Variants in TSBP1 observed in about 807,000 individuals in gnomAD.
TSBP1 encodes the protein testis expressed basic protein 1.
Under a neutral mutation model 68.8 loss-of-function variants are expected in TSBP1, and 56 were observed. That is an observed-to-expected ratio of 0.81 (90% CI 0.66 to 1.02). The LOEUF is 1.02. Ranked by LOEUF, TSBP1 falls within the 50% of genes least tolerant of loss-of-function variation. The probability of loss-of-function intolerance (pLI) is 0.00; values close to 1 mark genes in which losing one functional copy is unlikely to be tolerated. For missense variants in TSBP1, 502 were observed against 641.2 expected (o/e 0.78, Z 2.34); for synonymous variants, 171 against 208.7 (o/e 0.82, Z 1.56).
intron 21 of TSBP1, 89 bp downstream of exon 24, chr6:32,300,591 G>T: frequency 9.1e-7 from 1 of 1,096,790 alleles, no homozygotes; most frequent in Non-Finnish European, 1.4e-6. Flanking sequence ...GTAAGGTAGA[G>T]GAACTCGTAA....
intron 6 of TSBP1, among the ~76,000 whole-genome samples, chr6:32,359,109 C>T (rs1772695458): frequency 6.9e-6 from 1 of 144,864 alleles, no homozygotes; most frequent in Non-Finnish European, 1.5e-5. Context: ...TGATGTTCCC[C>T]TTCCTGTGTC....
chr6:32,322,870 A>ATC (rs893930555), intron 18 of TSBP1, among the ~76,000 whole-genome samples: 3 of 151,706 alleles, frequency 2.0e-5, no homozygotes, highest in Non-Finnish European at 4.4e-5. Context: ...TTTGGATTTC[A>ATC]TCTCTCTCTC....
In TSBP1 at chr6:32,335,291, G is replaced by A. The variant is rs10807100; in HGVS notation, c.472+146C>T. On this transcript the variant is annotated intron_variant, in intron 14 of 22. Coordinates refer to ENST00000612031, the Ensembl canonical transcript of TSBP1. The surrounding 1 kb of genome is among the most constrained non-coding windows in gnomAD (Gnocchi z 5.5). Reference sequence around the variant, plus strand: ...TATTTTTATTGCAGAACCTGGATGAGTCCAATCTGGAGTACTGGGTGAGAT... The same window carrying A: ...TATTTTTATTGCAGAACCTGGATGAATCCAATCTGGAGTACTGGGTGAGAT... 223,819 of 589,346 alleles carry A rather than the reference G, an allele frequency of 0.38. 45,459 individuals are homozygous for A. The highest frequency in any genetic ancestry group is 0.57 in the Middle Eastern group (1,744 of 3,082). 36.5% of individuals were successfully genotyped at this position (589,346 alleles called of 1,614,324 possible).
rs1251447360 is a variant in TSBP1 at position 32,321,882 on chromosome 6, A to G, written c.559+1235T>C. 6.6e-6 allele frequency among the ~76,000 whole-genome samples: 1 copy of G among 152,136 alleles called. No homozygotes were observed. The highest frequency in any genetic ancestry group is 1.5e-5 in the Non-Finnish European group (1 of 68,018). ...TTACCTACTATCTGGATTAAGTGAG[A>G]TGCTTTGGCAACTCTGAATCTGAAT... is the stretch of plus-strand genomic sequence containing the variant. On this transcript the variant is annotated intron_variant, in intron 18 of 22. Transcript: ENST00000612031. The surrounding 1 kb of genome is among the most constrained non-coding windows in gnomAD (Gnocchi z 4.3).
At chr6:32,293,914 T>A (rs768775788) in exon 23 of TSBP1, 5 of 1,612,768 alleles carry the variant, frequency 3.1e-6, no homozygotes, top group Non-Finnish European at 4.2e-6. Context: ...TGTCATTCTT[T>A]AGTGCTTCCT....
rs1768093346 is a variant in TSBP1 at position 32,325,246 on chromosome 6, C to T, written c.515-1632G>A. 120 of 1,051,068 alleles carry T rather than the reference C, an allele frequency of 1.1e-4. No homozygotes were observed. The South Asian group carries it at 1.8e-3, about 16-fold the overall frequency. The allele number at this position is 1,051,068 out of a possible 1,614,324, so 65.1% of individuals were successfully genotyped here. ...ATCTAAGTCAGAGTCTCCTAAAGAG[C>T]CAGAACAACTGAGGAAGCTCTTCAT... On this transcript the variant is annotated intron_variant, in intron 16 of 22. Transcript: ENST00000612031. The surrounding 1 kb of genome is among the most constrained non-coding windows in gnomAD (Gnocchi z 4.4).
Position 32,365,708 on chromosome 6 carries a change from C to A in TSBP1, c.217+459G>T. The stretch of plus-strand genomic sequence containing the variant: ...GGGTCTGTCTCAGCATTGAGTTGTG[C>A]CACCTTGGGGGAGGAGTGATGTGGG... On this transcript the variant is annotated intron_variant, in intron 6 of 22. Coordinates refer to ENST00000612031, the Ensembl canonical transcript of TSBP1. The surrounding 1 kb of genome is among the most constrained non-coding windows in gnomAD (Gnocchi z 4.3). 1 of 434,730 alleles carries A rather than the reference C, an allele frequency of 2.3e-6. No individual in the cohort carries two copies. Among genetic ancestry groups the A allele is most frequent in the South Asian group, 1.7e-5 (1 of 60,570 alleles). 26.9% of individuals were successfully genotyped at this position (434,730 alleles called of 1,614,324 possible).
chr6:32,309,595 ATTT>A (rs1177851228), intron 19 of TSBP1, among the ~76,000 whole-genome samples: 2 of 151,898 alleles, frequency 1.3e-5, no homozygotes, highest in Non-Finnish European at 2.9e-5. Flanking sequence ...TCTTTTTAAA[ATTT>A]TTTTATTTTT....
At chr6:32,339,046 G>C in intron 10 of TSBP1, 47 bp from the exon 12 acceptor site, 1 of 1,536,206 alleles carries the variant, frequency 6.5e-7, no homozygotes, top group East Asian at 2.2e-5. Flanking sequence ...CATGACTCAA[G>C]GGTGTTTATC....
Position 32,337,293 on chromosome 6 carries a change from G to A in TSBP1, c.410-658C>T, listed in dbSNP as rs1328848533. On this transcript the variant is annotated intron_variant, in intron 11 of 22. Transcript: ENST00000612031. This position sits in a 1 kb window ranked among gnomAD's most constrained non-coding sequence, Gnocchi z 5.5. Reference sequence around the variant, plus strand: ...TCTTTCTTCATCTTGGAGGATCCCGGTTACTGGTGGAATCTGCCAGCTGGA... The same window carrying A: ...TCTTTCTTCATCTTGGAGGATCCCGATTACTGGTGGAATCTGCCAGCTGGA... Among the ~76,000 whole-genome samples, 1 of 152,142 alleles carries A rather than the reference G, an allele frequency of 6.6e-6. No individual in the cohort carries two copies. The highest frequency in any genetic ancestry group is 2.4e-5 in the African/African-American group (1 of 41,412).
At chr6:32,311,652 CAGG>C (rs891747593) in intron 19 of TSBP1, among the ~76,000 whole-genome samples, 1 of 152,088 alleles carries the variant, frequency 6.6e-6, no homozygotes, top group African/African-American at 2.4e-5. Flanking sequence ...CTGTAAAGGG[CAGG>C]AGATTTAAGA....
At chr6:32,370,381 A>G (rs1774248490) in intron 1 of TSBP1, among the ~76,000 whole-genome samples, 1 of 146,290 alleles carries the variant, frequency 6.8e-6, no homozygotes, top group Non-Finnish European at 1.5e-5. Flanking sequence ...ATTTTAACTC[A>G]TACCTTTAAA....
At chr6:32,359,401 G>C (rs1313800622) in intron 6 of TSBP1, among the ~76,000 whole-genome samples, 1 of 152,126 alleles carries the variant, frequency 6.6e-6, no homozygotes, top group Non-Finnish European at 1.5e-5. Flanking sequence ...GGCCAGTGAT[G>C]ATGAGCATTT....
intron 6 of TSBP1, among the ~76,000 whole-genome samples, chr6:32,356,351 C>T (rs558920592): frequency 1.3e-5 from 2 of 151,960 alleles, no homozygotes; most frequent in Admixed American, 1.3e-4. Context: ...TCCTTCCATA[C>T]TTGGCAGTCA....
At chr6:32,341,060 T>G (rs1254864013) in intron 9 of TSBP1, among the ~76,000 whole-genome samples, 3 of 152,214 alleles carry the variant, frequency 2.0e-5, no homozygotes, top group Non-Finnish European at 4.4e-5. Flanking sequence ...CCTCCCAAAG[T>G]GCTGGGATTA....
rs749921011 is a variant in TSBP1 at position 32,367,976 on chromosome 6, C to A, written c.134-19G>T. 1.3e-6 allele frequency: 2 copies of A among 1,586,928 alleles called. No homozygotes were observed. The highest frequency in any genetic ancestry group is 1.7e-4 in the Middle Eastern group (1 of 6,024). On this transcript the variant is annotated intron_variant, in intron 3 of 22. Coordinates refer to ENST00000612031, the Ensembl canonical transcript of TSBP1. Reference sequence around the variant, plus strand: ...CTAGCACCTAGAAAAAAAGGGAGAGCACATGATTTTGCTTCTTGATTATTA... The same window carrying A: ...CTAGCACCTAGAAAAAAAGGGAGAGAACATGATTTTGCTTCTTGATTATTA...
chr6:32,322,937 T>C (rs1219766062), intron 18 of TSBP1, among the ~76,000 whole-genome samples, 180 bp downstream of exon 19: 1 of 152,174 alleles, frequency 6.6e-6, no homozygotes, highest in Non-Finnish European at 1.5e-5. Flanking sequence ...GTAGTATTGT[T>C]CAGTTTATTG....
At chr6:32,323,926 G>A in intron 16 of TSBP1, 1 of 369,502 alleles carries the variant, frequency 2.7e-6, no homozygotes, top group South Asian at 5.0e-5. Flanking sequence ...CTGATGGCAA[G>A]TGAAATGAAT....
chr6:32,320,325 G>C (rs1367812434), intron 18 of TSBP1: 5 of 414,826 alleles, frequency 1.2e-5, no homozygotes, highest in African/African-American at 1.0e-4. Context: ...CTCTGGACCT[G>C]TGTGGGTGGC....
Sources: gnomAD v4.1 joint callset for allele counts (sites outside exome capture counted in the v4.1 genomes callset) on GRCh38, gnomAD v4.1.1 for gene constraint, Gnocchi (gnomAD v3.1) non-coding constraint, MANE v1.5 for transcripts, NCBI Gene and HGNC (gene_info 2026-07-23, HGNC 2026-07-21) for gene names.